Variants in NDFIP1 observed in about 807,000 individuals in gnomAD.
NDFIP1 encodes Nedd4 family interacting protein 1, also known as NEDD4 family-interacting protein 1.
In NDFIP1, 7 loss-of-function variants were observed where a neutral mutation model predicts 28.8. The observed-to-expected ratio is 0.24, with a 90% CI of 0.14 to 0.46. NDFIP1 has a LOEUF of 0.46. NDFIP1 is among the 20% of genes least tolerant of loss of function. The pLI is 0.99. For missense variants in NDFIP1, 194 were observed against 269.1 expected, an observed-to-expected ratio of 0.72 and a Z score of 1.95; for synonymous variants, 92 against 101.0, an observed-to-expected ratio of 0.91 and a Z score of 0.53.
At chr5:142,115,413 A>G (rs925106353) in intron 1 of NDFIP1, among the ~76,000 whole-genome samples, 1 of 151,978 alleles carries the variant, frequency 6.6e-6, no homozygotes, top group African/African-American at 2.4e-5. Flanking sequence ...CCTCCTGAGT[A>G]GCTGGGATTA....
intron 7 of NDFIP1, among the ~76,000 whole-genome samples, chr5:142,146,765 GT>G (rs1354613357): frequency 6.6e-6 from 1 of 152,090 alleles, no homozygotes; most frequent in Non-Finnish European, 1.5e-5. Flanking sequence ...CTTCATCTTG[GT>G]TCTAAGCATA....
chr5:142,142,463 C>G (rs1757341506), intron 6 of NDFIP1, among the ~76,000 whole-genome samples: 1 of 152,068 alleles, frequency 6.6e-6, no homozygotes, highest in Admixed American at 6.6e-5. Flanking sequence ...AAGTCAAATC[C>G]TGAATGGACC....
At chr5:142,147,713 C>G (rs1198479577) in intron 7 of NDFIP1, among the ~76,000 whole-genome samples, 2 of 152,204 alleles carry the variant, frequency 1.3e-5, no homozygotes, top group Non-Finnish European at 2.9e-5. Flanking sequence ...TTATTTCTAA[C>G]TGTCATGTAC....
intron 6 of NDFIP1, among the ~76,000 whole-genome samples, chr5:142,141,078 A>G (rs767460607): frequency 6.6e-6 from 1 of 152,044 alleles, no homozygotes; most frequent in Non-Finnish European, 1.5e-5. Context: ...CTCGCTAGAC[A>G]TAACTTCTGA....
chr5:142,117,286 C>T (rs577148154), intron 1 of NDFIP1, among the ~76,000 whole-genome samples: 2 of 149,742 alleles, frequency 1.3e-5, no homozygotes, highest in Admixed American at 6.6e-5. Context: ...ACTCTGTCGC[C>T]AGGCTGGAGT....
intron 1 of NDFIP1, among the ~76,000 whole-genome samples, chr5:142,116,323 T>TTTCCTTCC (rs58709020): frequency 1.3e-5 from 2 of 148,658 alleles, no homozygotes; most frequent in African/African-American, 5.0e-5. Flanking sequence ...TATTTATTTA[T>TTTCCTTCC]TTCCTTCCTT....
chr5:142,137,151 G>GA (rs1554091798), intron 4 of NDFIP1, among the ~76,000 whole-genome samples: 1 of 147,706 alleles, frequency 6.8e-6, no homozygotes, highest in Non-Finnish European at 1.5e-5. Context: ...GCTGTTTTTT[G>GA]TTTTTTTTGC....
chr5:142,120,062 TC>T (rs1757107977), intron 1 of NDFIP1, among the ~76,000 whole-genome samples: 1 of 152,162 alleles, frequency 6.6e-6, no homozygotes. Context: ...TTGAAGCAAT[TC>T]TCCTGCCTCA....
At chr5:142,132,371 G>A (rs1421169962) in intron 3 of NDFIP1, 29 bp downstream of exon 3, 2 of 1,599,850 alleles carry the variant, frequency 1.3e-6, no homozygotes, top group South Asian at 2.3e-5. Context: ...GTTACTTGAT[G>A]GCTGCTCTGT....
At position 142,151,941 on chromosome 5, in the gene NDFIP1, T is replaced by C. The variant is rs1161509079; in HGVS notation, c.*213T>C. ...CAGAATTCTGTAATCATTGAATCAT[T>C]AGTGGTTAATGTTTGAAAAAGCTCT... On this transcript the variant is annotated 3_prime_UTR_variant, in exon 8 of 8. Coordinates refer to ENST00000253814, the MANE Select transcript of NDFIP1 (RefSeq NM_030571.4). 6.5e-6 allele frequency: 1 copy of C among 152,788 alleles called. No homozygotes were observed. The highest frequency in any genetic ancestry group is 1.9e-4 in the East Asian group (1 of 5,336). The allele number at this position is 152,788 out of a possible 1,614,324, so 9.5% of individuals were successfully genotyped here. A position where few individuals can be genotyped will look rare whatever the true frequency, so the allele number is the denominator to read the frequency against.
intron 1 of NDFIP1, among the ~76,000 whole-genome samples, chr5:142,110,204 C>T (rs1756998964): frequency 6.6e-6 from 1 of 152,200 alleles, no homozygotes; most frequent in Non-Finnish European, 1.5e-5. Context: ...AAGAATTTCA[C>T]TTCTTGGTTT....
intron 4 of NDFIP1, among the ~76,000 whole-genome samples, chr5:142,136,160 A>T (rs1386419587): frequency 1.2e-4 from 19 of 152,174 alleles, no homozygotes; most frequent in Non-Finnish European, 1.0e-4. Context: ...GCCTTTGATG[A>T]ATTTTGCTCT....
intron 1 of NDFIP1, among the ~76,000 whole-genome samples, chr5:142,112,203 T>TG (rs1406668038): frequency 1.3e-5 from 2 of 150,374 alleles, no homozygotes; most frequent in African/African-American, 2.4e-5. Flanking sequence ...CTGGCCAACA[T>TG]GTGAAACCCC....
intron 1 of NDFIP1, among the ~76,000 whole-genome samples, chr5:142,127,005 T>C (rs1233173107): frequency 2.0e-5 from 3 of 152,050 alleles, no homozygotes; most frequent in East Asian, 3.9e-4. Flanking sequence ...AAAAACGCTC[T>C]ATTTTATTTT....
In NDFIP1 at chr5:142,121,190, A is replaced by G. The variant is rs77022842; in HGVS notation, c.64-10618A>G. Among the ~76,000 whole-genome samples, 206 of 152,370 alleles carry G rather than the reference A, an allele frequency of 1.4e-3. 1 individual carries two copies. The highest frequency in any genetic ancestry group is 4.7e-3 in the African/African-American group (195 of 41,594). ...TATTGTAGGAATTACATTGTGATCA[A>G]GATAAGTTTTCCTTCATATATAATA... On this transcript the variant is annotated intron_variant, in intron 1 of 7. Coordinates refer to ENST00000253814, the MANE Select transcript of NDFIP1 (RefSeq NM_030571.4).
chr5:142,128,347 G>T (rs931202875), intron 1 of NDFIP1, among the ~76,000 whole-genome samples: 1 of 152,188 alleles, frequency 6.6e-6, no homozygotes, highest in African/African-American at 2.4e-5. Flanking sequence ...TGCACAGAAG[G>T]GTTCCCAGGG....
chr5:142,114,971 C>G (rs1256491098), intron 1 of NDFIP1, among the ~76,000 whole-genome samples: 1 of 152,150 alleles, frequency 6.6e-6, no homozygotes, highest in Non-Finnish European at 1.5e-5. Flanking sequence ...GGGCAGAAAC[C>G]AAGGCCCAGT....
chr5:142,152,623 A>T lies in NDFIP1; in HGVS notation c.*895A>T, dbSNP rs564445732. ...TGGAACTTTTGAGATGATCCCTAAC[A>T]TACTGTACTACTTGCTTTTACAATG... On this transcript the variant is annotated 3_prime_UTR_variant, in exon 8 of 8. Transcript: ENST00000253814. 2.0e-5 allele frequency: 3 copies of T among 153,252 alleles called. No homozygotes were observed. The highest frequency in any genetic ancestry group is 2.4e-5 in the African/African-American group (1 of 41,536). The allele number at this position is 153,252 out of a possible 1,614,324, so 9.5% of individuals were successfully genotyped here.
chr5:142,125,575 G>A (rs915018923), intron 1 of NDFIP1, among the ~76,000 whole-genome samples: 1 of 151,844 alleles, frequency 6.6e-6, no homozygotes, highest in Non-Finnish European at 1.5e-5. Context: ...GCCCAGGCTG[G>A]TCTCAGACTC....
Sources: allele counts gnomAD v4.1 joint callset (sites outside exome capture counted in the v4.1 genomes callset), GRCh38; gene constraint gnomAD v4.1.1; transcripts MANE v1.5; gene names NCBI Gene and HGNC (gene_info 2026-07-23, HGNC 2026-07-21).